Variants in UBE2Q2 observed in about 807,000 individuals in gnomAD.
UBE2Q2 encodes the protein ubiquitin-conjugating enzyme E2 Q2.
In UBE2Q2, 54 loss-of-function variants were observed where a neutral mutation model predicts 59.9. The ratio of observed to expected loss-of-function variants is 0.90; its 90% CI spans 0.72 to 1.13. The LOEUF is 1.13. UBE2Q2 is among the 50% of genes most tolerant of loss of function. UBE2Q2 has a pLI of 0.00. For synonymous variants in UBE2Q2, 165 were observed against 155.2 expected, an observed-to-expected ratio of 1.06 and a Z score of -0.47; for missense variants, 433 against 441.9, an observed-to-expected ratio of 0.98 and a Z score of 0.18.
At chr15:75,846,822 A>G (rs1468729664) in intron 1 of UBE2Q2, among the ~76,000 whole-genome samples, 2 of 152,194 alleles carry the variant, frequency 1.3e-5, no homozygotes, top group Admixed American at 6.5e-5. Flanking sequence ...TGAGAAACTA[A>G]GTTGTTTTTT....
chr15:75,843,733 C>T lies in UBE2Q2; in HGVS notation c.67C>T (p.Arg23Ter), dbSNP rs754138374. The T allele has an allele frequency of 1.2e-6, 2 of 1,611,590 alleles. No homozygotes were observed. Among genetic ancestry groups the T allele is most frequent in the Non-Finnish European group, 1.7e-6 (2 of 1,179,098 alleles). ...LASIFDKNHERFRIVSWKLDE... is the reference protein window; with the variant it reads ...LASIFDKNHE ...GTCCATCTTCGACAAGAACCACGAG[C>T]GATTCCGCATCGTCAGTTGGAAGCT... Residue 23 changes from arginine (R) to a stop codon, truncating the protein, a stop_gained, in exon 1 of 13, where the codon CGA becomes TGA. Coordinates refer to ENST00000267938, the MANE Select transcript of UBE2Q2 (RefSeq NM_173469.4). LOFTEE classifies it high-confidence loss of function.
At chr15:75,888,747 T>C (rs1898929777) in intron 9 of UBE2Q2, among the ~76,000 whole-genome samples, 1 of 152,216 alleles carries the variant, frequency 6.6e-6, no homozygotes, top group African/African-American at 2.4e-5. Context: ...TAGAACTACT[T>C]GTCTTGTGTT....
chr15:75,870,418 G>A (rs1897724549), intron 4 of UBE2Q2, among the ~76,000 whole-genome samples: 1 of 152,160 alleles, frequency 6.6e-6, no homozygotes, highest in Non-Finnish European at 1.5e-5. Flanking sequence ...TCTTAAAACT[G>A]TCAAGTTAGA....
chr15:75,870,246 T>A (rs1897714804), intron 4 of UBE2Q2, among the ~76,000 whole-genome samples: 1 of 152,132 alleles, frequency 6.6e-6, no homozygotes, highest in Non-Finnish European at 1.5e-5. Flanking sequence ...AAAAAAATTT[T>A]TGTAGAGATT....
At chr15:75,868,600 T>C (rs550078940) in intron 3 of UBE2Q2, among the ~76,000 whole-genome samples, 1 of 152,336 alleles carries the variant, frequency 6.6e-6, no homozygotes, top group Non-Finnish European at 1.5e-5. Context: ...GATTTTATTT[T>C]AAATAAGCCA....
chr15:75,896,963 C>A, intron 11 of UBE2Q2, 32 bp from the exon 12 acceptor site: 1 of 1,403,454 alleles, frequency 7.1e-7, no homozygotes, highest in Non-Finnish European at 9.8e-7. Flanking sequence ...CCTAATTACA[C>A]TTTTGATTTA....
chr15:75,897,848 T>G (rs1046965100), intron 12 of UBE2Q2, among the ~76,000 whole-genome samples: 20 of 152,266 alleles, frequency 1.3e-4, no homozygotes, highest in African/African-American at 4.8e-4. Context: ...TATTCTTTAC[T>G]TTGCTAGAAA....
chr15:75,894,138 G>A (rs1899262580), intron 11 of UBE2Q2, among the ~76,000 whole-genome samples: 1 of 152,168 alleles, frequency 6.6e-6, no homozygotes, highest in African/African-American at 2.4e-5. Context: ...AATATCTAGA[G>A]AATAGCAATA....
rs184795798 is a variant in UBE2Q2, at chr15:75,854,405, C to T, written c.200C>T (p.Ser67Leu). ...CNITESYPSS[S>L]PIWFVDSEDP... ...AAACAGGAATCCTATCCATCTTCTT[C>T]ACCGATATGGTTTGTGGATTCTGAA... The change falls in exon 2 of 13, where the codon TCA (serine) becomes TTA (leucine). Residue 67 changes from serine (S) to leucine (L), a missense_variant. Ser to Leu is a moderately radical substitution (Grantham distance 145). Coordinates refer to ENST00000267938, the MANE Select transcript of UBE2Q2 (RefSeq NM_173469.4). 9.3e-6 allele frequency: 15 copies of T among 1,612,816 alleles called. 1 individual carries two copies. Among genetic ancestry groups the T allele is most frequent in the East Asian group, 6.7e-5 (3 of 44,810 alleles).
At chr15:75,861,292 A>G (rs574755936) in intron 3 of UBE2Q2, among the ~76,000 whole-genome samples, 1 of 152,320 alleles carries the variant, frequency 6.6e-6, no homozygotes, top group African/African-American at 2.4e-5. Flanking sequence ...TTAGAATTTC[A>G]AAGTCTATGC....
intron 3 of UBE2Q2, among the ~76,000 whole-genome samples, chr15:75,864,607 TA>T (rs34148087): frequency 0.046 from 6,129 of 134,584 alleles, 216 homozygotes; most frequent in African/African-American, 0.11. Flanking sequence ...CTGTAGATTC[TA>T]AAAAAAAAAA....
At chr15:75,853,137 G>C (rs1245477581) in intron 1 of UBE2Q2, among the ~76,000 whole-genome samples, 1 of 152,138 alleles carries the variant, frequency 6.6e-6, no homozygotes, top group Admixed American at 6.6e-5. Flanking sequence ...ATAATGCTTA[G>C]TTCATTAGCT....
rs961096739 is a variant in UBE2Q2 at position 75,898,356 on chromosome 15, G to GT, written c.1097-1062dup. 1.2e-4 allele frequency among the ~76,000 whole-genome samples: 18 copies of GT among 150,414 alleles called. No individual in the cohort carries two copies. In the East Asian group the frequency reaches 2.2e-3, roughly 18 times the overall value. ...CAGGGGAGATGACTTCTAGGGTTTT[G>GT]TTTTTTTTTAAATCTTAAAATTTTT... On this transcript the variant is annotated intron_variant, in intron 12 of 12. Coordinates refer to ENST00000267938, the MANE Select transcript of UBE2Q2 (RefSeq NM_173469.4).
chr15:75,876,292 G>T, intron 6 of UBE2Q2, 21 bp downstream of exon 6: 1 of 1,586,328 alleles, frequency 6.3e-7, no homozygotes, highest in African/African-American at 1.3e-5. Context: ...CTGGATCCCT[G>T]CTCTCTTTAT....
chr15:75,899,659 C>A lies in UBE2Q2; in HGVS notation c.*201C>A. The stretch of plus-strand genomic sequence containing the variant: ...CTCATTTTAGATATCTTGGACTGAG[C>A]AGTGGGGCCTTTACTGTATTTTTCC... On this transcript the variant is annotated 3_prime_UTR_variant, in exon 13 of 13. Coordinates refer to ENST00000267938, the MANE Select transcript of UBE2Q2 (RefSeq NM_173469.4). 1 of 356,928 alleles carries A rather than the reference C, an allele frequency of 2.8e-6. No homozygotes were observed. The allele number at this position is 356,928 out of a possible 1,614,324, so 22.1% of individuals were successfully genotyped here.
chr15:75,844,441 C>T, intron 1 of UBE2Q2: 1 of 1,551,616 alleles, frequency 6.4e-7, no homozygotes, highest in Non-Finnish European at 8.7e-7. Flanking sequence ...CCTGGCTGCG[C>T]GCTGCTGTGT....
At position 75,876,260 on chromosome 15, in the gene UBE2Q2, G is replaced by A. The variant is rs1898074413; in HGVS notation, c.662G>A (p.Ser221Asn). ...KELRDIYRSQ[S>N]YKTGIYSVEL... The stretch of plus-strand genomic sequence containing the variant: ...CTCAGGGACATATACAGATCACAGA[G>A]TTATAAAACAGGTAAGGATCTCTGG... Residue 221 changes from serine (S) to asparagine (N), a missense_variant, in exon 6 of 13, where the codon AGT (serine) becomes AAT (asparagine). Ser to Asn is a conservative substitution (Grantham distance 46, BLOSUM62 1). Transcript: ENST00000267938. 1.9e-6 allele frequency: 3 copies of A among 1,613,300 alleles called. No homozygotes were observed. The highest frequency in any genetic ancestry group is 1.1e-5 in the South Asian group (1 of 91,042).
At chr15:75,881,711 A>G (rs1409940109) in intron 8 of UBE2Q2, among the ~76,000 whole-genome samples, 1 of 152,218 alleles carries the variant, frequency 6.6e-6, no homozygotes, top group African/African-American at 2.4e-5. Context: ...TTGAATAATA[A>G]GAAAAATGGA....
intron 9 of UBE2Q2, among the ~76,000 whole-genome samples, chr15:75,888,034 T>C (rs1898884143): frequency 6.6e-6 from 1 of 152,240 alleles, no homozygotes; most frequent in African/African-American, 2.4e-5. Context: ...CTTCTAGTTA[T>C]GACCCTACTT....
Sources: allele counts gnomAD v4.1 joint callset (sites outside exome capture counted in the v4.1 genomes callset), GRCh38; gene constraint gnomAD v4.1.1; transcripts MANE v1.5; gene names NCBI Gene and HGNC (gene_info 2026-07-23, HGNC 2026-07-21).